The following LDB3 variants were observed in gnomAD, a reference collection of about 807,000 sequenced individuals.
LDB3 encodes the protein LIM domain binding 3, also known as LIM domain-binding protein 3.
LDB3 carries 49 observed loss-of-function variants against 69.0 expected under a neutral mutation model. The observed-to-expected ratio is 0.71, with a 90% CI of 0.56 to 0.90. The LOEUF is 0.90. Ranked by LOEUF, LDB3 falls within the 40% of genes least tolerant of loss-of-function variation. The probability of loss-of-function intolerance (pLI) is 0.00; values close to 1 mark genes in which losing one functional copy is unlikely to be tolerated. For missense variants in LDB3, 928 were observed against 974.1 expected (o/e 0.95, Z 0.63); for synonymous variants, 387 against 396.2 (o/e 0.98, Z 0.28).
At chr10:86,703,420 G>C (rs1846334412) in intron 7 of LDB3, among the ~76,000 whole-genome samples, 1 of 152,230 alleles carries the variant, frequency 6.6e-6, no homozygotes, top group Admixed American at 6.5e-5. Context: ...AAGGGCCAGG[G>C]CCAGGCACGG....
intron 2 of LDB3, among the ~76,000 whole-genome samples, chr10:86,673,609 G>T (rs565617675): frequency 1.3e-5 from 2 of 152,246 alleles, no homozygotes; most frequent in East Asian, 3.9e-4. Context: ...CAAAGCCCCA[G>T]GGGAGGCCAG....
In LDB3 at chr10:86,706,637, C is replaced by T; in HGVS notation, c.1003C>T (p.Pro335Ser). The part of the protein sequence containing the change: ...AAASPSAASP[P>S]LATAAAHTAI... ...TGCCTCTCCCAGTGCGGCTTCGCCA[C>T]CCCTGGCCACAGCTGCTGCCCACAC... is the stretch of plus-strand genomic sequence containing the variant. The change falls in exon 8 of 14, where the codon CCC becomes TCC. Residue 335 changes from proline to serine, a missense_variant. By Grantham distance (74) the Pro-to-Ser change is moderately conservative. Coordinates refer to ENST00000361373, the MANE Select transcript of LDB3 (RefSeq NM_007078.3). 6.2e-7 allele frequency: 1 copy of T among 1,613,164 alleles called. No individual in the cohort carries two copies. Among genetic ancestry groups the T allele is most frequent in the Non-Finnish European group, 8.5e-7 (1 of 1,179,938 alleles).
At chr10:86,706,273 G>C (rs1846438110) in intron 7 of LDB3, among the ~76,000 whole-genome samples, 1 of 137,078 alleles carries the variant, frequency 7.3e-6, no homozygotes, top group Non-Finnish European at 1.6e-5. Context: ...GGTGGGGGTG[G>C]GAAATTCCTC....
intron 12 of LDB3, among the ~76,000 whole-genome samples, chr10:86,719,195 T>C (rs1400558166): frequency 2.0e-5 from 3 of 152,014 alleles, no homozygotes; most frequent in Non-Finnish European, 4.4e-5. Context: ...CCCAGGAGTT[T>C]GACACCAGCA....
Position 86,670,391 on chromosome 10 carries a change from T to G in LDB3, c.93+1607T>G, listed in dbSNP as rs371690741. On this transcript the variant is annotated intron_variant, in intron 2 of 13. Coordinates refer to ENST00000361373, the MANE Select transcript of LDB3 (RefSeq NM_007078.3). The stretch of plus-strand genomic sequence containing the variant: ...TTGCAGGACTCCTTCCTGTATAAGG[T>G]GGAGCCTCTGTGTGCTCTCTCATGG... Among the ~76,000 whole-genome samples, 6 of 152,234 alleles carry G rather than the reference T, an allele frequency of 3.9e-5. No homozygotes were observed. In the South Asian group the frequency reaches 8.3e-4, roughly 21 times the overall value.
rs1410931200 is a variant in LDB3 at position 86,692,139 on chromosome 10, T to C, written c.859+74T>C. ...GCCACCAGGGACCTGGGCCCAGCACTGCAGAAGCCAGGGAGTCCTGCTACC... is the reference window on the plus strand; with the variant it reads ...GCCACCAGGGACCTGGGCCCAGCACCGCAGAAGCCAGGGAGTCCTGCTACC... On this transcript the variant is annotated intron_variant, in intron 6 of 13. Coordinates refer to ENST00000361373, the MANE Select transcript of LDB3 (RefSeq NM_007078.3). 7.7e-6 allele frequency: 12 copies of C among 1,555,020 alleles called. No homozygotes were observed. The African/African-American group carries it at 1.6e-4, about 21-fold the overall frequency.
At chr10:86,697,407 G>A (rs1846049413) in intron 7 of LDB3, among the ~76,000 whole-genome samples, 1 of 151,088 alleles carries the variant, frequency 6.6e-6, no homozygotes, top group African/African-American at 2.4e-5. Flanking sequence ...TGTTAGTAGA[G>A]ATGGGGTTTC....
chr10:86,688,285 A>C (rs950753352), intron 5 of LDB3, among the ~76,000 whole-genome samples: 2 of 152,132 alleles, frequency 1.3e-5, no homozygotes, highest in Admixed American at 6.5e-5. Context: ...AACCGATGTA[A>C]TAAGAGGGAT....
intron 2 of LDB3, among the ~76,000 whole-genome samples, chr10:86,676,855 A>C (rs1430143303): frequency 1.3e-5 from 2 of 152,174 alleles, no homozygotes; most frequent in African/African-American, 4.8e-5. Flanking sequence ...AGGAGCTTCC[A>C]CCCATGTCTG....
Position 86,692,553 on chromosome 10 carries a change from A to C in LDB3, c.878A>C (p.Glu293Ala), listed in dbSNP as rs1288594486. Residue 293 changes from glutamate to alanine, a missense_variant, in exon 7 of 14, where the codon GAA becomes GCA. Glu to Ala is a moderately radical substitution (Grantham distance 107, BLOSUM62 -1). Coordinates refer to ENST00000361373, the MANE Select transcript of LDB3 (RefSeq NM_007078.3). ...CCAACAGTGCAAGACCCTGATGAAG[A>C]AGCTCTGCGAAGGTCAAGGTAAGTG... ...GTEFMQDPDE[E>A]ALRRSSTPIE... The C allele has an allele frequency of 6.2e-7, 1 of 1,614,226 alleles. No individual in the cohort carries two copies. Among genetic ancestry groups the C allele is most frequent in the East Asian group, 2.2e-5 (1 of 44,874 alleles).
intron 5 of LDB3, among the ~76,000 whole-genome samples, chr10:86,689,263 G>A (rs551186694): frequency 2.6e-5 from 4 of 152,136 alleles, no homozygotes; most frequent in South Asian, 2.1e-4. Context: ...TTGGCAGGGC[G>A]TCACCGCTGG....
chr10:86,695,601 G>A (rs576218929), intron 7 of LDB3, among the ~76,000 whole-genome samples: 100 of 152,334 alleles, frequency 6.6e-4, no homozygotes, highest in African/African-American at 2.1e-3. Flanking sequence ...ACTTCCACAT[G>A]GGAACTACTC....
chr10:86,680,090 G>C lies in LDB3; in HGVS notation c.254G>C (p.Arg85Pro). 6.2e-7 allele frequency: 1 copy of C among 1,614,104 alleles called. No individual in the cohort carries two copies. The highest frequency in any genetic ancestry group is 8.5e-7 in the Non-Finnish European group (1 of 1,179,954). The change falls in exon 4 of 14, where the codon CGT becomes CCT. Residue 85 changes from arginine (R) to proline (P), a missense_variant. Transcript: ENST00000361373. ...ATTTCTGGTTTCTACAGATCAAAGCGTCCCATTCCCATCTCCACGACAGCA... is the reference window on the plus strand; with the variant it reads ...ATTTCTGGTTTCTACAGATCAAAGCCTCCCATTCCCATCTCCACGACAGCA... The part of the protein sequence containing the change: ...NLSLTLQKSK[R>P]PIPISTTAPP...
At chr10:86,697,034 G>C (rs1198289993) in intron 7 of LDB3, among the ~76,000 whole-genome samples, 1 of 152,146 alleles carries the variant, frequency 6.6e-6, no homozygotes, top group Non-Finnish European at 1.5e-5. Context: ...GATTCAAGGG[G>C]TAGAGAGAGA....
intron 5 of LDB3, among the ~76,000 whole-genome samples, chr10:86,686,189 G>A (rs1437615429): frequency 1.3e-5 from 2 of 152,170 alleles, no homozygotes; most frequent in Non-Finnish European, 2.9e-5. Flanking sequence ...GGCAGCTGGA[G>A]CCCTGCTCTG....
At position 86,727,124 on chromosome 10, in the gene LDB3, G is replaced by A. The variant is rs568327064; in HGVS notation, c.2094+872G>A. Among the ~76,000 whole-genome samples, 333 of 151,618 alleles carry A rather than the reference G, an allele frequency of 2.2e-3. 1 individual carries two copies. The highest frequency in any genetic ancestry group is 6.1e-3 in the South Asian group (29 of 4,772). ...CAACCTCTGCCTCCTGGGTTCAAGC[G>A]ATTCTTCTGCTTTAGCCTCCTGAGT... On this transcript the variant is annotated intron_variant, in intron 13 of 13. Coordinates refer to ENST00000361373, the MANE Select transcript of LDB3 (RefSeq NM_007078.3).
chr10:86,689,583 C>T (rs905005508), intron 5 of LDB3, among the ~76,000 whole-genome samples: 2 of 152,168 alleles, frequency 1.3e-5, no homozygotes, highest in African/African-American at 4.8e-5. Flanking sequence ...GGTAGCTCCC[C>T]CCGCCTTTCC....
intron 3 of LDB3, 98 bp downstream of exon 3, chr10:86,679,616 C>T (rs1015921861): frequency 5.9e-6 from 8 of 1,351,038 alleles, no homozygotes; most frequent in South Asian, 4.7e-5. Flanking sequence ...GAGTGGGCCC[C>T]GCCCTGGGCT....
At chr10:86,729,526 T>A (rs1589688482) in intron 13 of LDB3, among the ~76,000 whole-genome samples, 1 of 152,222 alleles carries the variant, frequency 6.6e-6, no homozygotes, top group East Asian at 1.9e-4. Context: ...TTTATTACCC[T>A]AACTCTGCTG....
Sources: gnomAD v4.1 joint callset for allele counts (sites outside exome capture counted in the v4.1 genomes callset) on GRCh38, gnomAD v4.1.1 for gene constraint, MANE v1.5 for transcripts, NCBI Gene and HGNC (gene_info 2026-07-23, HGNC 2026-07-21) for gene names.